The following GCSAML variants were observed in gnomAD, a reference collection of about 807,000 sequenced individuals.
GCSAML encodes the protein germinal center-associated signaling and motility-like protein.
A neutral mutation model predicts 13.0 loss-of-function variants in GCSAML; 9 were observed. The observed-to-expected ratio is 0.69, with a 90% confidence interval of 0.42 to 1.21. The LOEUF is 1.21. GCSAML is among the 50% of genes most tolerant of loss of function. GCSAML has a pLI of 0.00. For missense variants in GCSAML, 143 were observed against 153.4 expected (o/e 0.93, Z 0.36); for synonymous variants, 37 against 52.9 (o/e 0.70, Z 1.31).
intron 1 of GCSAML, among the ~76,000 whole-genome samples, chr1:247,550,978 G>A (rs80124458): frequency 0.018 from 2,681 of 152,174 alleles, 73 homozygotes; most frequent in African/African-American, 0.058. Context: ...TAGACATTAC[G>A]TGGCTCAGAT....
intron 1 of GCSAML, among the ~76,000 whole-genome samples, chr1:247,513,291 G>A (rs1666104954): frequency 6.6e-6 from 1 of 152,170 alleles, no homozygotes; most frequent in African/African-American, 2.4e-5. Flanking sequence ...AAATTTCCCG[G>A]TGGCTTTGTT....
In GCSAML at chr1:247,557,412, T is replaced by C. The variant is rs188749904; in HGVS notation, c.89+946T>C. Among the ~76,000 whole-genome samples, 12 of 152,358 alleles carry C rather than the reference T, an allele frequency of 7.9e-5. No homozygotes were observed. The East Asian group carries it at 2.3e-3, about 29-fold the overall frequency. On this transcript the variant is annotated intron_variant, in intron 2 of 4. Transcript: ENST00000366488. ...GATATCTAGATGTTGATATCTTGCC[T>C]CAGCTTAGATGAACAGAAACACCCT...
At chr1:247,515,171 T>A (rs137936252) in intron 1 of GCSAML, among the ~76,000 whole-genome samples, 1 of 152,198 alleles carries the variant, frequency 6.6e-6, no homozygotes, top group Non-Finnish European at 1.5e-5. Flanking sequence ...AGAACTAGAA[T>A]ATGTGGACTA....
At chr1:247,565,221 G>C (rs984908258) in intron 3 of GCSAML, among the ~76,000 whole-genome samples, 2 of 152,116 alleles carry the variant, frequency 1.3e-5, no homozygotes, top group Non-Finnish European at 2.9e-5. Context: ...AGCTGGGCAT[G>C]GTGGCATGTG....
At chr1:247,532,284 C>A in intron 2 of GCSAML, 1 of 1,614,124 alleles carries the variant, frequency 6.2e-7, no homozygotes, top group Non-Finnish European at 8.5e-7. Flanking sequence ...GGACAATGCT[C>A]GTGGTGAAGC....
intron 2 of GCSAML, among the ~76,000 whole-genome samples, chr1:247,542,776 A>G (rs376458799): frequency 6.6e-6 from 1 of 152,270 alleles, no homozygotes; most frequent in Admixed American, 6.5e-5. Flanking sequence ...TTCTAATTTA[A>G]TGACTATTTG....
rs1291772890 is a variant in GCSAML, at chr1:247,563,574, A to G, written c.90-16A>G. 4 of 1,542,052 alleles carry G rather than the reference A, an allele frequency of 2.6e-6. No homozygotes were observed. Among genetic ancestry groups the G allele is most frequent in the Admixed American group, 1.7e-5 (1 of 58,776 alleles). On this transcript the variant is annotated splice_polypyrimidine_tract_variant and intron_variant, in intron 2 of 4. Coordinates refer to ENST00000366488, the MANE Select transcript of GCSAML (RefSeq NM_145278.5). ...AGAACCTGGAGTATCTCATGTTACTATCTCTTTCCTTGTAGGCAGGAAATG... is the reference window on the plus strand; with the variant it reads ...AGAACCTGGAGTATCTCATGTTACTGTCTCTTTCCTTGTAGGCAGGAAATG...
intron 1 of GCSAML, among the ~76,000 whole-genome samples, chr1:247,522,916 T>TAAAAAAAAAA (rs36008669): frequency 7.6e-6 from 1 of 132,096 alleles, no homozygotes; most frequent in Non-Finnish European, 1.6e-5. Flanking sequence ...CAATAAATAC[T>TAAAAAAAAAA]AAAAAAAAAA....
At chr1:247,517,722 T>C (rs533145465) in intron 1 of GCSAML, among the ~76,000 whole-genome samples, 8 of 152,254 alleles carry the variant, frequency 5.3e-5, no homozygotes, top group African/African-American at 1.9e-4. Context: ...CAGTGCTAGA[T>C]AACCAGCAGG....
At chr1:247,559,292 A>C (rs1249394262) in intron 2 of GCSAML, among the ~76,000 whole-genome samples, 1 of 152,202 alleles carries the variant, frequency 6.6e-6, no homozygotes, top group Non-Finnish European at 1.5e-5. Flanking sequence ...ATTAGCTGAG[A>C]GAAATTAATC....
chr1:247,543,866 T>C (rs1236885885), intron 2 of GCSAML, among the ~76,000 whole-genome samples: 1 of 152,246 alleles, frequency 6.6e-6, no homozygotes, highest in South Asian at 2.1e-4. Flanking sequence ...CATAGCTCAC[T>C]GCAGCTTCAA....
chr1:247,574,597 CTA>C lies in GCSAML; in HGVS notation c.*217_*218del. On this transcript the variant is annotated 3_prime_UTR_variant, in exon 5 of 5. Coordinates refer to ENST00000366488, the MANE Select transcript of GCSAML (RefSeq NM_145278.5). Reference sequence around the variant, plus strand: ...AATTGACACAATGACCTAAAATATTCTATGTGTTTTTGCTTGTAAAGTTTGAG... The same window carrying C: ...AATTGACACAATGACCTAAAATATTCTGTGTTTTTGCTTGTAAAGTTTGAG... 1.8e-6 allele frequency: 1 copy of C among 548,922 alleles called. No homozygotes were observed. The highest frequency in any genetic ancestry group is 2.9e-5 in the South Asian group (1 of 34,678). The allele number at this position is 548,922 out of a possible 1,614,324, so 34.0% of individuals were successfully genotyped here. A position where few individuals can be genotyped will look rare whatever the true frequency, so the allele number is the denominator to read the frequency against.
At chr1:247,562,016 G>A (rs1464901168) in intron 2 of GCSAML, among the ~76,000 whole-genome samples, 3 of 152,092 alleles carry the variant, frequency 2.0e-5, no homozygotes, top group Non-Finnish European at 1.5e-5. Context: ...TTACAATCAA[G>A]GGTTTTTAAA....
chr1:247,549,005 T>A (rs1203416793), upstream of GCSAML: 2 of 1,515,834 alleles, frequency 1.3e-6, no homozygotes, highest in East Asian at 5.0e-5. Context: ...CCTTTCTGCC[T>A]CCCCTTTCGA....
chr1:247,565,851 C>A (rs146391289), intron 3 of GCSAML, 80 bp from the exon 4 acceptor site: 98 of 1,160,188 alleles, frequency 8.4e-5, no homozygotes, highest in Non-Finnish European at 1.1e-4. Context: ...TTTTTTTCAC[C>A]TTTTCCTTCA....
chr1:247,531,161 G>T (rs1051480805), intron 2 of GCSAML: 2 of 207,920 alleles, frequency 9.6e-6, no homozygotes, highest in African/African-American at 4.7e-5. Context: ...AGGGCTCCGG[G>T]GGCTCTGGGG....
At chr1:247,515,012 T>C (rs1424843811) in intron 1 of GCSAML, among the ~76,000 whole-genome samples, 1 of 152,218 alleles carries the variant, frequency 6.6e-6, no homozygotes, top group Non-Finnish European at 1.5e-5. Flanking sequence ...TGGTGGTATT[T>C]TGATGGGAAT....
At chr1:247,529,389 A>T (rs1005588991) in intron 2 of GCSAML, 4 of 152,206 alleles carry the variant, frequency 2.6e-5, no homozygotes, top group African/African-American at 9.7e-5. Flanking sequence ...TGACTGAATG[A>T]TGGAATGGGC....
intron 1 of GCSAML, among the ~76,000 whole-genome samples, chr1:247,520,384 AAGG>A (rs773549959): frequency 3.3e-5 from 5 of 152,210 alleles, no homozygotes; most frequent in Non-Finnish European, 5.9e-5. Flanking sequence ...TCCTACAAGG[AAGG>A]AGGAGTTCTT....
Sources: gnomAD v4.1 joint callset for allele counts (sites outside exome capture counted in the v4.1 genomes callset) on GRCh38, gnomAD v4.1.1 for gene constraint, MANE v1.5 for transcripts, NCBI Gene and HGNC (gene_info 2026-07-23, HGNC 2026-07-21) for gene names.